TRIM61: variants seen among roughly 807,000 people sequenced by gnomAD.
TRIM61 encodes the protein tripartite motif containing 61.
Under a neutral mutation model 14.2 loss-of-function variants are expected in TRIM61, and 1 was observed. That is an observed-to-expected ratio of 0.07 (90% CI 0.03 to 0.33). The LOEUF (loss-of-function observed/expected upper bound fraction) is 0.33. Ranked by LOEUF, TRIM61 falls within the 10% of genes least tolerant of loss-of-function variation. TRIM61 has a pLI of 0.99. For missense variants in TRIM61, 19 were observed against 202.2 expected, an observed-to-expected ratio of 0.09 and a Z score of 5.49; for synonymous variants, 8 against 71.6, an observed-to-expected ratio of 0.11 and a Z score of 4.49.
intron 3 of TRIM61, chr4:164,959,192 G>A (rs1449159498): frequency 6.0e-6 from 1 of 166,498 alleles, no homozygotes; most frequent in African/African-American, 2.4e-5. Context: ...TTCTAAACTC[G>A]ACATGTAATT....
At chr4:164,970,705 A>AG (rs1455128170) in intron 2 of TRIM61, among the ~76,000 whole-genome samples, 1 of 152,228 alleles carries the variant, frequency 6.6e-6, no homozygotes, top group Non-Finnish European at 1.5e-5. Context: ...TTAAAAAAAA[A>AG]GGTTTCTACA....
intron 3 of TRIM61, chr4:164,956,997 C>T (rs1560881501): frequency 6.8e-7 from 1 of 1,460,398 alleles, no homozygotes; most frequent in Non-Finnish European, 9.1e-7. Flanking sequence ...CGTTGGAGAC[C>T]GGGGCAGCGC....
chr4:164,968,322 G>A (rs1426725558), intron 3 of TRIM61: 9 of 962,348 alleles, frequency 9.4e-6, no homozygotes, highest in Non-Finnish European at 1.1e-5. Context: ...AATTACAAAA[G>A]TAATAGATTT....
intron 3 of TRIM61, chr4:164,968,344 A>G: frequency 1.0e-6 from 1 of 965,516 alleles, no homozygotes; most frequent in African/African-American, 1.8e-5. Flanking sequence ...CTTACATAAT[A>G]CATTTCTTCA....
At chr4:164,974,740 TAAAAA>T in intron 2 of TRIM61, among the ~76,000 whole-genome samples, 1 of 151,734 alleles carries the variant, frequency 6.6e-6, no homozygotes. Context: ...AGAAAAGAAA[TAAAAA>T]GAATACTGTC....
In TRIM61 at chr4:164,968,721, A is replaced by C. The variant is rs1188497936; in HGVS notation, c.525+757T>G. On this transcript the variant is annotated intron_variant, in intron 3 of 4. Coordinates refer to ENST00000329314, the MANE Select transcript of TRIM61 (RefSeq NM_001012414.3). Reference sequence around the variant, plus strand: ...GATCTATCATTCAAATTATAAAAGGAAACTTCATTCATTTCATAGTCTAAA... The same window carrying C: ...GATCTATCATTCAAATTATAAAAGGCAACTTCATTCATTTCATAGTCTAAA... 3 of 983,226 alleles carry C rather than the reference A, an allele frequency of 3.1e-6. No individual in the cohort carries two copies. The African/African-American group carries it at 5.3e-5, about 17-fold the overall frequency. 60.9% of individuals were successfully genotyped at this position (983,226 alleles called of 1,614,324 possible).
intron 2 of TRIM61, among the ~76,000 whole-genome samples, chr4:164,975,191 T>C (rs958472079): frequency 1.8e-4 from 27 of 150,026 alleles, no homozygotes; most frequent in Admixed American, 1.7e-3. Context: ...GATGGCGCCA[T>C]TGCACTCCAG....
intron 3 of TRIM61, chr4:164,957,045 G>C (rs755546611): frequency 6.6e-7 from 1 of 1,504,218 alleles, no homozygotes; most frequent in East Asian, 2.5e-5. Flanking sequence ...GCGGTGCGGC[G>C]GGGCAGCTGT....
chr4:164,974,515 G>A (rs1213833342), intron 2 of TRIM61, among the ~76,000 whole-genome samples: 1 of 152,116 alleles, frequency 6.6e-6, no homozygotes, highest in African/African-American at 2.4e-5. Context: ...CCAATGCCCT[G>A]TGTATATTGT....
chr4:164,956,877 A>G, intron 3 of TRIM61: 1 of 778,278 alleles, frequency 1.3e-6, no homozygotes. Context: ...TTCTCCCAGG[A>G]GGCTGGGCGA....
chr4:164,967,894 G>T (rs1732276035), intron 3 of TRIM61, among the ~76,000 whole-genome samples: 1 of 151,988 alleles, frequency 6.6e-6, no homozygotes, highest in African/African-American at 2.4e-5. Context: ...GCTCACACCT[G>T]TAATCCCAGC....
At chr4:164,966,670 T>C (rs1281436477) in intron 3 of TRIM61, among the ~76,000 whole-genome samples, 1 of 152,190 alleles carries the variant, frequency 6.6e-6, no homozygotes, top group Non-Finnish European at 1.5e-5. Flanking sequence ...TCCAGCACTT[T>C]GGGAGGCCGG....
intron 3 of TRIM61, among the ~76,000 whole-genome samples, chr4:164,955,977 G>A (rs1474971322): frequency 1.3e-5 from 2 of 152,142 alleles, no homozygotes; most frequent in East Asian, 1.9e-4. Context: ...ACGGGGAGGC[G>A]GCTCAAAGAA....
At chr4:164,971,191 A>G (rs1368027404) in intron 2 of TRIM61, among the ~76,000 whole-genome samples, 1 of 152,228 alleles carries the variant, frequency 6.6e-6, no homozygotes, top group African/African-American at 2.4e-5. Context: ...ATTGAGCACA[A>G]TAAAATTATC....
intron 3 of TRIM61, among the ~76,000 whole-genome samples, chr4:164,961,488 T>C (rs1732135293): frequency 6.6e-6 from 1 of 151,252 alleles, no homozygotes; most frequent in South Asian, 2.1e-4. Context: ...TATCAAATGG[T>C]GTCATTTGTG....
At chr4:164,963,889 G>T (rs1396720178) in intron 3 of TRIM61, among the ~76,000 whole-genome samples, 1 of 152,008 alleles carries the variant, frequency 6.6e-6, no homozygotes, top group Non-Finnish European at 1.5e-5. Context: ...CAAAGAGTGA[G>T]TCTCAGGGAA....
At chr4:164,958,693 A>G (rs1029811927) in intron 3 of TRIM61, 1 of 167,088 alleles carries the variant, frequency 6.0e-6, no homozygotes, top group Non-Finnish European at 1.5e-5. Flanking sequence ...TACACAGTCA[A>G]TAATTCAATG....
intron 3 of TRIM61, chr4:164,956,822 A>G (rs1731999631): frequency 1.7e-6 from 1 of 585,972 alleles, no homozygotes; most frequent in Non-Finnish European, 2.9e-6. Flanking sequence ...TTCTCACAGA[A>G]CACAAGGCTC....
Position 164,977,024 on chromosome 4 carries a change from T to C in TRIM61, c.-475-199A>G, listed in dbSNP as rs2111157147. On this transcript the variant is annotated intron_variant, in intron 1 of 4. Coordinates refer to ENST00000329314, the MANE Select transcript of TRIM61 (RefSeq NM_001012414.3). ...GCTTGTTTGAGGAATAAATAAAACCTGTGGTAGATTCCAAGCTCTCAGTTT... is the reference window on the plus strand; with the variant it reads ...GCTTGTTTGAGGAATAAATAAAACCCGTGGTAGATTCCAAGCTCTCAGTTT... Among the ~76,000 whole-genome samples, 2 of 152,286 alleles carry C rather than the reference T, an allele frequency of 1.3e-5. 1 individual carries two copies. Among genetic ancestry groups the C allele is most frequent in the East Asian group, 3.9e-4 (2 of 5,188 alleles).
Sources: allele counts gnomAD v4.1 joint callset (sites outside exome capture counted in the v4.1 genomes callset), GRCh38; gene constraint gnomAD v4.1.1; transcripts MANE v1.5; gene names NCBI Gene and HGNC (gene_info 2026-07-23, HGNC 2026-07-21).